BPIFC: variants seen among roughly 807,000 people sequenced by gnomAD.
The protein encoded by BPIFC is BPI fold-containing family C protein.
A neutral mutation model predicts 57.6 loss-of-function variants in BPIFC; 60 were observed. The observed-to-expected ratio is 1.04, with a 90% CI of 0.85 to 1.29. The LOEUF (loss-of-function observed/expected upper bound fraction) is 1.29, where lower values mean the gene tolerates loss of function less well. Among genes scored for constraint, BPIFC ranks in the 50% most tolerant of loss-of-function variants. BPIFC has a pLI of 0.00. For synonymous variants in BPIFC, 243 were observed against 224.5 expected, an observed-to-expected ratio of 1.08 and a Z score of -0.74; for missense variants, 581 against 600.5, an observed-to-expected ratio of 0.97 and a Z score of 0.34.
At position 32,433,720 on chromosome 22, in the gene BPIFC, C is replaced by G; in HGVS notation, c.977G>C (p.Arg326Pro). ...AAGACTCAAACCCTGAGCACTTACC[C>G]GGGAGAGCACGTTGCCAAGGCCTTG... ...NSQGLGNVLS[R>P]IAEIYILSQP... The change falls in exon 11 of 17, where the codon CGG (arginine) becomes CCG (proline). Residue 326 changes from arginine (R) to proline (P), a missense_variant and splice_region_variant. Arg to Pro is a moderately radical substitution (Grantham distance 103, BLOSUM62 -2). Coordinates refer to ENST00000300399, the MANE Select transcript of BPIFC (RefSeq NM_174932.3). 1 of 1,613,672 alleles carries G rather than the reference C, an allele frequency of 6.2e-7. No homozygotes were observed. The highest frequency in any genetic ancestry group is 2.2e-5 in the East Asian group (1 of 44,858).
intron 13 of BPIFC, among the ~76,000 whole-genome samples, chr22:32,427,128 G>T (rs1044475868): frequency 8.5e-5 from 13 of 152,262 alleles, no homozygotes; most frequent in African/African-American, 3.1e-4. Context: ...AAAGAACTCT[G>T]TGGACTGTAG....
intron 5 of BPIFC, 123 bp downstream of exon 5, chr22:32,447,089 G>T: frequency 1.5e-6 from 2 of 1,326,810 alleles, no homozygotes; most frequent in Non-Finnish European, 9.9e-7. Flanking sequence ...AAATGCTTTT[G>T]AGAAAGATTG....
chr22:32,419,486 C>A, intron 13 of BPIFC, 82 bp from the exon 14 acceptor site: 1 of 1,339,222 alleles, frequency 7.5e-7, no homozygotes, highest in South Asian at 1.2e-5. Flanking sequence ...AGGATATTTT[C>A]AGTTCAAAAG....
chr22:32,416,465 T>C (rs1226805166), intron 15 of BPIFC, among the ~76,000 whole-genome samples: 2 of 152,218 alleles, frequency 1.3e-5, no homozygotes, highest in Non-Finnish European at 2.9e-5. Context: ...AGAATTTTCC[T>C]GGAAGAATTG....
chr22:32,458,618 T>C (rs1450674984), intron 2 of BPIFC, among the ~76,000 whole-genome samples: 1 of 152,222 alleles, frequency 6.6e-6, no homozygotes, highest in African/African-American at 2.4e-5. Flanking sequence ...ATTAGGGAAC[T>C]ACTGAATGGC....
intron 4 of BPIFC, among the ~76,000 whole-genome samples, chr22:32,450,093 TACACACACACAC>T (rs59948938): frequency 0.022 from 3,244 of 145,514 alleles, 50 homozygotes; most frequent in East Asian, 0.051. Flanking sequence ...TCAAAGAGCA[TACACACACACAC>T]ACACACACAC....
intron 2 of BPIFC, among the ~76,000 whole-genome samples, chr22:32,458,843 C>T (rs1935099704): frequency 6.6e-6 from 1 of 152,198 alleles, no homozygotes; most frequent in African/African-American, 2.4e-5. Flanking sequence ...ACATAGTAGG[C>T]ACACAACAGA....
intron 5 of BPIFC, 67 bp from the exon 6 acceptor site, chr22:32,446,063 TTACC>T: frequency 6.4e-7 from 1 of 1,553,874 alleles, no homozygotes; most frequent in Non-Finnish European, 8.8e-7. Flanking sequence ...GTTTCTCTGA[TTACC>T]CAGAGACTCT....
At chr22:32,463,584 G>A (rs576544341) in intron 1 of BPIFC, among the ~76,000 whole-genome samples, 11 of 152,152 alleles carry the variant, frequency 7.2e-5, no homozygotes, top group Non-Finnish European at 1.5e-4. Flanking sequence ...TGGAAAAACC[G>A]ATTAAGGGAG....
intron 10 of BPIFC, among the ~76,000 whole-genome samples, chr22:32,434,991 T>TC (rs1167852567): frequency 4.3e-4 from 23 of 53,624 alleles, no homozygotes; most frequent in African/African-American, 1.3e-3. Context: ...ATACAGGGAA[T>TC]AATGATGACA....
At position 32,457,450 on chromosome 22, in the gene BPIFC, C is replaced by G. The variant is rs879306152; in HGVS notation, c.1-64G>C. Reference sequence around the variant, plus strand: ...TGACTTTCTCTTTGGTCAATTAAATCCAACATTTCTAGATTTTCTCATTTT... The same window carrying G: ...TGACTTTCTCTTTGGTCAATTAAATGCAACATTTCTAGATTTTCTCATTTT... On this transcript the variant is annotated intron_variant, in intron 2 of 16. Coordinates refer to ENST00000300399, the MANE Select transcript of BPIFC (RefSeq NM_174932.3). The G allele has an allele frequency of 8.4e-6, 13 of 1,551,944 alleles. No individual in the cohort carries two copies. In the East Asian group the frequency reaches 3.0e-4, roughly 36 times the overall value.
chr22:32,440,937 C>T (rs551501487), intron 8 of BPIFC, among the ~76,000 whole-genome samples: 3 of 152,294 alleles, frequency 2.0e-5, no homozygotes, highest in South Asian at 2.1e-4. Context: ...GAAGCCAGAC[C>T]GATCTCCTTA....
intron 13 of BPIFC, among the ~76,000 whole-genome samples, chr22:32,424,642 CTCT>C (rs796330210): frequency 0.08 from 2,304 of 28,790 alleles, 317 homozygotes; most frequent in Non-Finnish European, 0.092. Flanking sequence ...TCTTCTTCTT[CTCT>C]TCTTCTTCTT....
chr22:32,428,838 G>A (rs1359927774), intron 13 of BPIFC, among the ~76,000 whole-genome samples: 1 of 152,068 alleles, frequency 6.6e-6, no homozygotes, highest in African/African-American at 2.4e-5. Flanking sequence ...GGCGGAGGTT[G>A]TAGTGAGCCG....
intron 12 of BPIFC, 125 bp downstream of exon 12, chr22:32,432,248 C>T: frequency 9.6e-7 from 1 of 1,045,416 alleles, no homozygotes; most frequent in South Asian, 1.7e-5. Flanking sequence ...GTCCAGCCTC[C>T]ATCCTCACTC....
intron 11 of BPIFC, among the ~76,000 whole-genome samples, chr22:32,433,189 C>T (rs898500674): frequency 3.3e-5 from 5 of 152,140 alleles, no homozygotes; most frequent in South Asian, 2.1e-4. Flanking sequence ...GATGACAGAG[C>T]GAGACCCTGT....
intron 13 of BPIFC, among the ~76,000 whole-genome samples, chr22:32,423,870 T>C (rs1238989474): frequency 2.0e-5 from 3 of 151,778 alleles, no homozygotes; most frequent in Non-Finnish European, 4.4e-5. Context: ...CAAACTGTAC[T>C]GAGGTTGCCT....
At chr22:32,442,757 A>G in intron 7 of BPIFC, 26 bp from the exon 8 acceptor site, 3 of 1,606,596 alleles carry the variant, frequency 1.9e-6, no homozygotes, top group Non-Finnish European at 2.6e-6. Context: ...TAAAAAGAAA[A>G]AAGCAAGTTA....
chr22:32,461,461 T>G (rs1935158679), intron 2 of BPIFC, 113 bp downstream of exon 2: 1 of 458,784 alleles, frequency 2.2e-6, no homozygotes, highest in East Asian at 1.6e-4. Context: ...CAATGAGTGA[T>G]CTGAAGGTTG....
Sources: gnomAD v4.1 joint callset for allele counts (sites outside exome capture counted in the v4.1 genomes callset) on GRCh38, gnomAD v4.1.1 for gene constraint, MANE v1.5 for transcripts, NCBI Gene and HGNC (gene_info 2026-07-23, HGNC 2026-07-21) for gene names.